FBXL13: variants seen among roughly 807,000 people sequenced by gnomAD.
FBXL13 encodes F-box and leucine rich repeat protein 13.
FBXL13 carries 67 observed loss-of-function variants against 83.6 expected under a neutral mutation model. The observed-to-expected ratio is 0.80, with a 90% CI of 0.66 to 0.98. The LOEUF (loss-of-function observed/expected upper bound fraction) is 0.98, where lower values mean the gene tolerates loss of function less well. FBXL13 is among the 50% of genes least tolerant of loss of function. FBXL13 has a pLI of 0.00. For missense variants in FBXL13, 822 were observed against 866.5 expected (o/e 0.95, Z 0.64); for synonymous variants, 272 against 299.5 (o/e 0.91, Z 0.95).
intron 6 of FBXL13, among the ~76,000 whole-genome samples, chr7:102,972,564 A>G (rs1329985997): frequency 6.6e-6 from 1 of 152,140 alleles, no homozygotes; most frequent in East Asian, 1.9e-4. Flanking sequence ...CTACTTGGTA[A>G]TGGGTGCGCT....
intron 6 of FBXL13, among the ~76,000 whole-genome samples, chr7:102,990,835 C>T (rs1829485969): frequency 6.6e-6 from 1 of 152,210 alleles, no homozygotes; most frequent in Admixed American, 6.5e-5. Flanking sequence ...CATGGAGTAA[C>T]TCCACATGGC....
intron 2 of FBXL13, among the ~76,000 whole-genome samples, chr7:103,043,526 G>A (rs1295396884): frequency 3.3e-5 from 5 of 152,172 alleles, no homozygotes; most frequent in Admixed American, 6.5e-5. Context: ...ACATGCACAC[G>A]TATGTTTATT....
chr7:102,975,740 A>G (rs1452395647), intron 6 of FBXL13, among the ~76,000 whole-genome samples: 1 of 152,186 alleles, frequency 6.6e-6, no homozygotes, highest in Non-Finnish European at 1.5e-5. Flanking sequence ...TCCACCCCCA[A>G]TATTCAGCGC....
chr7:102,886,183 T>A (rs193277726), intron 11 of FBXL13, among the ~76,000 whole-genome samples: 429 of 152,326 alleles, frequency 2.8e-3, no homozygotes, highest in Non-Finnish European at 4.1e-3. Context: ...GCATTTCCTG[T>A]AACAAATGGA....
chr7:102,971,053 A>AAAC (rs1161270249), intron 6 of FBXL13, among the ~76,000 whole-genome samples: 28 of 152,250 alleles, frequency 1.8e-4, no homozygotes, highest in African/African-American at 6.5e-4. Flanking sequence ...AAAATGTTTT[A>AAAC]GAACTGATGA....
intron 6 of FBXL13, chr7:102,978,750 G>C (rs1827825481): frequency 6.3e-6 from 1 of 159,486 alleles, no homozygotes. Context: ...TATTTTAGTT[G>C]GATTTTTAAA....
chr7:102,847,335 G>T (rs937122005), intron 17 of FBXL13, among the ~76,000 whole-genome samples: 13 of 152,124 alleles, frequency 8.5e-5, no homozygotes, highest in African/African-American at 3.1e-4. Context: ...CATGTAAGAG[G>T]CAGAATTGGA....
At chr7:102,929,109 G>T (rs1818662649) in intron 9 of FBXL13, among the ~76,000 whole-genome samples, 1 of 152,172 alleles carries the variant, frequency 6.6e-6, no homozygotes, top group Non-Finnish European at 1.5e-5. Flanking sequence ...GACTCTGTGT[G>T]TTGAGGTAAG....
intron 1 of FBXL13, among the ~76,000 whole-genome samples, chr7:103,067,151 A>T (rs891105793): frequency 2.0e-5 from 3 of 151,966 alleles, no homozygotes; most frequent in African/African-American, 4.8e-5. Flanking sequence ...AGCCCATTTG[A>T]CAACTGAGGA....
At chr7:103,005,003 T>A (rs1439770124) in intron 6 of FBXL13, among the ~76,000 whole-genome samples, 3 of 152,184 alleles carry the variant, frequency 2.0e-5, no homozygotes, top group Admixed American at 2.0e-4. Flanking sequence ...GTCCTAGACC[T>A]CCAGGTATGA....
At chr7:103,043,538 T>C (rs925738072) in intron 2 of FBXL13, among the ~76,000 whole-genome samples, 3 of 152,200 alleles carry the variant, frequency 2.0e-5, no homozygotes, top group South Asian at 4.1e-4. Context: ...ATGTTTATTA[T>C]GGCACCTCCG....
intron 1 of FBXL13, among the ~76,000 whole-genome samples, chr7:103,066,754 T>C (rs1293449290): frequency 6.6e-6 from 1 of 152,056 alleles, no homozygotes; most frequent in East Asian, 1.9e-4. Context: ...TGAAATGCAA[T>C]TGATTTTTTA....
At position 102,837,891 on chromosome 7, in the gene FBXL13, A is replaced by G. The variant is rs939757710; in HGVS notation, c.1720-4917T>C. On this transcript the variant is annotated intron_variant, in intron 17 of 19. Transcript: ENST00000313221. ...TTATAGTTATTCATGTAAGTGTCTT[A>G]TCTTCTGCATTGACTGTAACTTCTT... 2.6e-5 allele frequency among the ~76,000 whole-genome samples: 4 copies of G among 152,218 alleles called. No homozygotes were observed. The East Asian group carries it at 7.7e-4, about 29-fold the overall frequency.
intron 2 of FBXL13, among the ~76,000 whole-genome samples, chr7:103,047,268 T>C (rs1796373952): frequency 6.6e-6 from 1 of 152,188 alleles, no homozygotes; most frequent in Admixed American, 6.5e-5. Flanking sequence ...TTTTATCTTT[T>C]CCATGATGAG....
intron 16 of FBXL13, among the ~76,000 whole-genome samples, chr7:102,869,233 T>G (rs6956781): frequency 1.3e-5 from 2 of 152,112 alleles, no homozygotes; most frequent in Non-Finnish European, 2.9e-5. Context: ...GTGTTAATGA[T>G]GTTGAGTATT....
chr7:103,019,907 T>C (rs561384178), intron 6 of FBXL13, among the ~76,000 whole-genome samples: 2 of 152,144 alleles, frequency 1.3e-5, no homozygotes, highest in African/African-American at 4.8e-5. Context: ...AAGGAGGAGC[T>C]GGTACCATTC....
intron 1 of FBXL13, among the ~76,000 whole-genome samples, chr7:103,056,367 C>T (rs1190224371): frequency 1.3e-5 from 2 of 152,164 alleles, no homozygotes; most frequent in African/African-American, 4.8e-5. Flanking sequence ...TTATTTTCCT[C>T]TGGGTAGATA....
At chr7:102,863,985 T>A (rs1245150681) in intron 16 of FBXL13, among the ~76,000 whole-genome samples, 1 of 152,150 alleles carries the variant, frequency 6.6e-6, no homozygotes, top group Non-Finnish European at 1.5e-5. Flanking sequence ...TATTTCTAGC[T>A]ATCATTGCAA....
intron 17 of FBXL13, among the ~76,000 whole-genome samples, chr7:102,840,091 T>C (rs1421685018): frequency 3.9e-5 from 6 of 152,012 alleles, no homozygotes; most frequent in Admixed American, 2.6e-4. Flanking sequence ...GACAGATGCA[T>C]AAAAAGAAGG....
Sources: gnomAD v4.1 joint callset for allele counts (sites outside exome capture counted in the v4.1 genomes callset) on GRCh38, gnomAD v4.1.1 for gene constraint, MANE v1.5 for transcripts, NCBI Gene and HGNC (gene_info 2026-07-23, HGNC 2026-07-21) for gene names.